RBFOX1: variants seen among roughly 807,000 people sequenced by gnomAD.
The protein encoded by RBFOX1 is RNA binding protein fox-1 homolog 1.
In RBFOX1, 8 loss-of-function variants were observed where a neutral mutation model predicts 57.7. The observed-to-expected ratio is 0.14, with a 90% CI of 0.08 to 0.25. RBFOX1 has a LOEUF of 0.25. Among genes scored for constraint, RBFOX1 ranks in the 10% least tolerant of loss-of-function variants. The probability of loss-of-function intolerance (pLI) is 1.00; values close to 1 mark genes in which losing one functional copy is unlikely to be tolerated. For missense variants in RBFOX1, 611 were observed against 548.5 expected, an observed-to-expected ratio of 1.11 and a Z score of -1.14; for synonymous variants, 326 against 222.4, an observed-to-expected ratio of 1.47 and a Z score of -4.15.
At chr16:7,558,158 A>G (rs901486794) in intron 5 of RBFOX1, among the ~76,000 whole-genome samples, 7 of 152,074 alleles carry the variant, frequency 4.6e-5, no homozygotes, top group African/African-American at 1.7e-4. Flanking sequence ...GTTCAAGATC[A>G]CCCTGGGAAA....
At chr16:5,520,454 A>G (rs1453253460) in intron 2 of RBFOX1, among the ~76,000 whole-genome samples, 1 of 152,192 alleles carries the variant, frequency 6.6e-6, no homozygotes, top group Non-Finnish European at 1.5e-5. Context: ...TTGGGCGTCC[A>G]TGTCATCTAC....
chr16:7,709,842 C>T (rs1790253675), intron 15 of RBFOX1: 3 of 1,232,018 alleles, frequency 2.4e-6, no homozygotes, highest in Non-Finnish European at 3.1e-6. Flanking sequence ...CTCTTGAGTA[C>T]AGTAAGACGT....
intron 4 of RBFOX1, among the ~76,000 whole-genome samples, chr16:7,167,436 G>C (rs777632172): frequency 3.3e-5 from 5 of 152,044 alleles, no homozygotes; most frequent in African/African-American, 1.2e-4. Context: ...AGAAGGCCAC[G>C]TGAAGACCAA....
At chr16:7,198,377 C>T (rs1043033231) in intron 4 of RBFOX1, among the ~76,000 whole-genome samples, 4 of 152,166 alleles carry the variant, frequency 2.6e-5, no homozygotes, top group Non-Finnish European at 1.5e-5. Flanking sequence ...AGTTGTGCAA[C>T]ATTGTGAATG....
At chr16:5,618,314 A>G (rs554553616) in intron 3 of RBFOX1, among the ~76,000 whole-genome samples, 1 of 147,622 alleles carries the variant, frequency 6.8e-6, no homozygotes, top group South Asian at 2.3e-4. Context: ...AATCATATAC[A>G]GGAGATGGCT....
At chr16:5,300,522 A>G (rs2063778105) in intron 1 of RBFOX1, among the ~76,000 whole-genome samples, 1 of 152,188 alleles carries the variant, frequency 6.6e-6, no homozygotes, top group Non-Finnish European at 1.5e-5. Flanking sequence ...AATAATAATG[A>G]TAAAAAGAAA....
intron 1 of RBFOX1, among the ~76,000 whole-genome samples, chr16:5,268,064 G>A (rs1284146286): frequency 6.6e-6 from 1 of 151,578 alleles, no homozygotes; most frequent in Non-Finnish European, 1.5e-5. Context: ...GGGAGACAGA[G>A]CGAGATTCCA....
intron 3 of RBFOX1, among the ~76,000 whole-genome samples, chr16:5,753,170 A>C (rs563940478): frequency 5.3e-5 from 8 of 152,040 alleles, no homozygotes; most frequent in Non-Finnish European, 1.2e-4. Context: ...AAAAAAAAAA[A>C]AGTGAAAATG....
At chr16:6,654,327 C>T (rs1306780237) in intron 2 of RBFOX1, among the ~76,000 whole-genome samples, 1 of 152,164 alleles carries the variant, frequency 6.6e-6, no homozygotes, top group African/African-American at 2.4e-5. Flanking sequence ...GCTATCAGTT[C>T]CTCTTTGCTG....
chr16:6,305,770 G>C (rs1322961189), intron 1 of RBFOX1, among the ~76,000 whole-genome samples: 1 of 151,808 alleles, frequency 6.6e-6, no homozygotes, highest in East Asian at 2.0e-4. Flanking sequence ...ACTCACCCAA[G>C]GTCAAGCAAC....
At chr16:7,198,715 C>T (rs1238785842) in intron 4 of RBFOX1, among the ~76,000 whole-genome samples, 1 of 152,192 alleles carries the variant, frequency 6.6e-6, no homozygotes, top group Non-Finnish European at 1.5e-5. Flanking sequence ...AACTAACTCA[C>T]TGCAGCAGTA....
At chr16:6,521,725 C>G (rs1037123045) in intron 2 of RBFOX1, among the ~76,000 whole-genome samples, 10 of 151,924 alleles carry the variant, frequency 6.6e-5, no homozygotes, top group African/African-American at 2.4e-4. Flanking sequence ...AAAAAAATTG[C>G]AAAATTTCTG....
At chr16:6,877,043 A>C (rs139796017) in intron 3 of RBFOX1, among the ~76,000 whole-genome samples, 1 of 152,336 alleles carries the variant, frequency 6.6e-6, no homozygotes, top group East Asian at 1.9e-4. Context: ...TTAAATATTC[A>C]TATGTATATT....
chr16:6,937,514 C>T (rs2077580551), intron 3 of RBFOX1, among the ~76,000 whole-genome samples: 1 of 152,072 alleles, frequency 6.6e-6, no homozygotes, highest in Non-Finnish European at 1.5e-5. Flanking sequence ...ACACAGACAT[C>T]AGGAGATCCT....
chr16:5,432,486 C>T (rs922857432), intron 1 of RBFOX1, among the ~76,000 whole-genome samples: 6 of 148,012 alleles, frequency 4.1e-5, no homozygotes, highest in South Asian at 2.1e-4. Context: ...AAGTTAAAGG[C>T]TCTTATTTTC....
intron 2 of RBFOX1, among the ~76,000 whole-genome samples, chr16:6,406,855 G>T (rs2093298838): frequency 6.6e-6 from 1 of 152,092 alleles, no homozygotes; most frequent in Non-Finnish European, 1.5e-5. Context: ...ATAGATCCAT[G>T]GCTTGAAATG....
At chr16:7,653,646 C>T (rs191411464) in intron 11 of RBFOX1, among the ~76,000 whole-genome samples, 169 bp from the exon 12 acceptor site, 3 of 152,202 alleles carry the variant, frequency 2.0e-5, no homozygotes, top group African/African-American at 7.2e-5. Flanking sequence ...GGAGTCCCAC[C>T]CTGGCCACCG....
chr16:7,213,951 A>G (rs2091597057), intron 4 of RBFOX1, among the ~76,000 whole-genome samples: 1 of 152,074 alleles, frequency 6.6e-6, no homozygotes, highest in Non-Finnish European at 1.5e-5. Flanking sequence ...GAACTAAAAT[A>G]TTCCATTTGC....
intron 3 of RBFOX1, among the ~76,000 whole-genome samples, chr16:7,037,822 G>A (rs950047507): frequency 3.9e-5 from 6 of 152,152 alleles, no homozygotes; most frequent in Non-Finnish European, 2.9e-5. Context: ...CATTTTAGAT[G>A]CCTCTCAAAT....
Sources: gnomAD v4.1 joint callset for allele counts (sites outside exome capture counted in the v4.1 genomes callset) on GRCh38, gnomAD v4.1.1 for gene constraint, MANE v1.5 for transcripts, NCBI Gene and HGNC (gene_info 2026-07-23, HGNC 2026-07-21) for gene names.